The following FOXP1 variants were observed in gnomAD, a reference collection of about 807,000 sequenced individuals.
FOXP1 encodes the protein forkhead box P1.
A neutral mutation model predicts 98.2 loss-of-function variants in FOXP1; 15 were observed. The ratio of observed to expected loss-of-function variants is 0.15; its 90% CI spans 0.10 to 0.24. The LOEUF (loss-of-function observed/expected upper bound fraction) is 0.24, where lower values mean the gene tolerates loss of function less well. Ranked by LOEUF, FOXP1 falls within the 10% of genes least tolerant of loss-of-function variation. The pLI is 1.00. For missense variants in FOXP1, 633 were observed against 848.5 expected (o/e 0.75, Z 3.15); for synonymous variants, 371 against 314.5 (o/e 1.18, Z -1.90).
rs867046948 is a variant in FOXP1 at position 71,306,644 on chromosome 3, A to C, written c.-72-6764T>G. On this transcript the variant is annotated intron_variant, in intron 4 of 20. Transcript: ENST00000649528. ...AAGAGAATAAGCCAAAAAAAAAAAA[A>C]AAAAAAAAAAAACGCTACTTAACTA... Among the ~76,000 whole-genome samples, 966 of 150,908 alleles carry C rather than the reference A, an allele frequency of 6.4e-3. 16 individuals are homozygous for C. The highest frequency in any genetic ancestry group is 0.018 in the African/African-American group (745 of 41,070).
chr3:71,544,794 C>T (rs1385171628), intron 2 of FOXP1, among the ~76,000 whole-genome samples: 3 of 151,722 alleles, frequency 2.0e-5, no homozygotes, highest in Admixed American at 2.0e-4. Flanking sequence ...TTAAGTGAAA[C>T]TTGGATAATA....
chr3:71,519,493 A>G (rs1188719796), intron 2 of FOXP1, among the ~76,000 whole-genome samples: 3 of 152,116 alleles, frequency 2.0e-5, no homozygotes, highest in Non-Finnish European at 2.9e-5. Context: ...TCTGATAAGT[A>G]TATTAGGATT....
chr3:71,543,768 G>A (rs1006891118), intron 2 of FOXP1, among the ~76,000 whole-genome samples: 7 of 152,244 alleles, frequency 4.6e-5, no homozygotes. Context: ...GCCTGGAGCA[G>A]GCAGACTGAA....
At chr3:71,575,191 G>A (rs76082446) in intron 2 of FOXP1, among the ~76,000 whole-genome samples, 17,916 of 152,092 alleles carry the variant, frequency 0.12, 1,246 homozygotes, top group Middle Eastern at 0.19. Context: ...AAAAACCACC[G>A]TTTTTCATTC....
At chr3:71,426,326 TG>T (rs2084148943) in intron 3 of FOXP1, among the ~76,000 whole-genome samples, 1 of 152,160 alleles carries the variant, frequency 6.6e-6, no homozygotes, top group African/African-American at 2.4e-5. Context: ...TCTTGTTAGA[TG>T]GGAGTCTCTC....
At chr3:71,552,272 A>G (rs1301062850) in intron 2 of FOXP1, among the ~76,000 whole-genome samples, 1 of 152,170 alleles carries the variant, frequency 6.6e-6, no homozygotes, top group East Asian at 1.9e-4. Context: ...TAACAAAAAC[A>G]CAGCCCTAAT....
intron 2 of FOXP1, among the ~76,000 whole-genome samples, chr3:71,566,303 C>T (rs192326537): frequency 1.3e-5 from 2 of 152,302 alleles, no homozygotes; most frequent in African/African-American, 2.4e-5. Flanking sequence ...ACATTGAAAA[C>T]GGTGAGTGGA....
At chr3:71,085,583 TTA>T (rs1225963058) in intron 7 of FOXP1, among the ~76,000 whole-genome samples, 1 of 151,766 alleles carries the variant, frequency 6.6e-6, no homozygotes, top group African/African-American at 2.4e-5. Context: ...TTAAGGAATA[TTA>T]TATTAGAATC....
At chr3:71,368,122 T>C (rs2079046942) in intron 3 of FOXP1, among the ~76,000 whole-genome samples, 1 of 152,038 alleles carries the variant, frequency 6.6e-6, no homozygotes, top group South Asian at 2.1e-4. Context: ...AATTTTTATT[T>C]TATTTATTTA....
intron 2 of FOXP1, among the ~76,000 whole-genome samples, chr3:71,526,756 T>C (rs909377628): frequency 1.3e-5 from 2 of 151,942 alleles, no homozygotes; most frequent in Admixed American, 6.6e-5. Context: ...TCACCCAAGG[T>C]CGGGAGTTAG....
intron 2 of FOXP1, among the ~76,000 whole-genome samples, chr3:71,534,071 C>T (rs2044085723): frequency 6.6e-6 from 1 of 152,166 alleles, no homozygotes; most frequent in African/African-American, 2.4e-5. Flanking sequence ...CCCTGCAAAA[C>T]CCTCAAAGGC....
chr3:71,354,813 A>G (rs2078042451), intron 4 of FOXP1, among the ~76,000 whole-genome samples: 1 of 152,162 alleles, frequency 6.6e-6, no homozygotes, highest in South Asian at 2.1e-4. Flanking sequence ...ATCTAATTTA[A>G]TCCTCGCAAT....
intron 3 of FOXP1, among the ~76,000 whole-genome samples, chr3:71,397,761 A>C (rs1448667728): frequency 4.0e-5 from 6 of 151,866 alleles, no homozygotes; most frequent in Non-Finnish European, 8.8e-5. Context: ...GAAGTCTTCA[A>C]CTTATACCAT....
At chr3:71,108,335 A>C (rs1186782726) in intron 7 of FOXP1, among the ~76,000 whole-genome samples, 1 of 152,220 alleles carries the variant, frequency 6.6e-6, no homozygotes, top group Non-Finnish European at 1.5e-5. Context: ...AAATTTGATC[A>C]ATAAAATTGC....
At chr3:71,362,800 C>T (rs2078662485) in intron 3 of FOXP1, among the ~76,000 whole-genome samples, 1 of 152,102 alleles carries the variant, frequency 6.6e-6, no homozygotes, top group Non-Finnish European at 1.5e-5. Flanking sequence ...TAGTATTTTC[C>T]AGGAAATGAC....
At chr3:71,163,417 T>G (rs891441416) in intron 6 of FOXP1, among the ~76,000 whole-genome samples, 1 of 152,208 alleles carries the variant, frequency 6.6e-6, no homozygotes, top group African/African-American at 2.4e-5. Flanking sequence ...TAGTAGACAA[T>G]TGCTTTTTTG....
At chr3:71,578,126 C>A (rs1311370330) in intron 2 of FOXP1, among the ~76,000 whole-genome samples, 1 of 152,130 alleles carries the variant, frequency 6.6e-6, no homozygotes, top group Non-Finnish European at 1.5e-5. Flanking sequence ...TAGCCATGCT[C>A]TGGAAACCCT....
At chr3:71,130,467 A>G in intron 6 of FOXP1, 1 of 1,596,162 alleles carries the variant, frequency 6.3e-7, no homozygotes. Flanking sequence ...TAACCCAGCA[A>G]AAAAATGTTT....
At chr3:71,111,292 G>C (rs545178900) in intron 7 of FOXP1, among the ~76,000 whole-genome samples, 1 of 152,150 alleles carries the variant, frequency 6.6e-6, no homozygotes, top group South Asian at 2.1e-4. Context: ...CTTAGGACCC[G>C]GGTGCCAAGT....
Sources: allele counts gnomAD v4.1 joint callset (sites outside exome capture counted in the v4.1 genomes callset), GRCh38; gene constraint gnomAD v4.1.1; transcripts MANE v1.5; gene names NCBI Gene and HGNC (gene_info 2026-07-23, HGNC 2026-07-21).